The following IL1RN variants were observed in gnomAD, a reference collection of about 807,000 sequenced individuals.
IL1RN encodes the protein interleukin 1 receptor antagonist, also known as interleukin-1 receptor antagonist protein.
A neutral mutation model predicts 13.7 loss-of-function variants in IL1RN; 10 were observed. That is an observed-to-expected ratio of 0.73 (90% CI 0.45 to 1.24). The LOEUF (loss-of-function observed/expected upper bound fraction) is 1.24, where lower values mean the gene tolerates loss of function less well. IL1RN is among the 50% of genes most tolerant of loss of function. The probability of loss-of-function intolerance (pLI) is 0.00; values close to 1 mark genes in which losing one functional copy is unlikely to be tolerated. For missense variants in IL1RN, 213 were observed against 222.1 expected (o/e 0.96, Z 0.26); for synonymous variants, 102 against 82.7 (o/e 1.23, Z -1.27).
At chr2:113,112,687 G>A (rs1225434344) in intron 1 of IL1RN, among the ~76,000 whole-genome samples, 1 of 152,188 alleles carries the variant, frequency 6.6e-6, no homozygotes, top group East Asian at 1.9e-4. Flanking sequence ...TCCCAAGCCT[G>A]AATGGGGTGT....
chr2:113,103,825 A>G (rs912979448), upstream of IL1RN, among the ~76,000 whole-genome samples: 1 of 152,116 alleles, frequency 6.6e-6, no homozygotes, highest in Non-Finnish European at 1.5e-5. Context: ...TGTCATATGA[A>G]TATTATTGGG....
upstream of IL1RN, among the ~76,000 whole-genome samples, chr2:113,123,877 T>TAGAACTGAAAGATGCAATTAACCG (rs1362561177): frequency 6.6e-6 from 1 of 152,204 alleles, no homozygotes; most frequent in African/African-American, 2.4e-5. Context: ...ATGGAAATCC[T>TAGAACTGAAAGATGCAATTAACCG]AGAACTGAAA....
upstream of IL1RN, among the ~76,000 whole-genome samples, chr2:113,109,535 G>A (rs72950879): frequency 6.1e-3 from 929 of 152,184 alleles, 19 homozygotes; most frequent in African/African-American, 0.022. Flanking sequence ...TTTAAAATCT[G>A]GCAATGATAT....
At chr2:113,112,074 G>A (rs894677448) in intron 1 of IL1RN, among the ~76,000 whole-genome samples, 5 of 152,206 alleles carry the variant, frequency 3.3e-5, no homozygotes, top group Non-Finnish European at 5.9e-5. Flanking sequence ...TTGATCACCC[G>A]TTCCTGTTAC....
rs545795110 is a variant in IL1RN at position 113,133,883 on chromosome 2, G to A, written c.*1012G>A. 3.3e-5 allele frequency: 5 copies of A among 152,864 alleles called. No individual in the cohort carries two copies. The highest frequency in any genetic ancestry group is 1.2e-4 in the African/African-American group (5 of 41,574). 9.5% of individuals were successfully genotyped at this position (152,864 alleles called of 1,614,324 possible). On this transcript the variant is annotated 3_prime_UTR_variant, in exon 4 of 4. Transcript: ENST00000409930. Reference sequence around the variant, plus strand: ...GAAACATGACTCGTATATGTCTCAGGTCCCTGCAGGGCCAAGCACCTAGCC... The same window carrying A: ...GAAACATGACTCGTATATGTCTCAGATCCCTGCAGGGCCAAGCACCTAGCC...
At chr2:113,124,157 G>C (rs1455567347), upstream of IL1RN, among the ~76,000 whole-genome samples, 1 of 152,128 alleles carries the variant, frequency 6.6e-6, no homozygotes, top group African/African-American at 2.4e-5. Context: ...TGATGACCAG[G>C]ACCTCCGATG....
chr2:113,109,056 A>G (rs1036730002), upstream of IL1RN, among the ~76,000 whole-genome samples: 9 of 152,164 alleles, frequency 5.9e-5, no homozygotes, highest in African/African-American at 1.9e-4. Flanking sequence ...AGAAAACAAT[A>G]GCAACCACCA....
At chr2:113,131,275 G>A in intron 3 of IL1RN, 118 bp downstream of exon 3, 1 of 727,274 alleles carries the variant, frequency 1.4e-6, no homozygotes. Context: ...TGTTCCATGT[G>A]GTGGAACATG....
upstream of IL1RN, among the ~76,000 whole-genome samples, chr2:113,124,957 A>T (rs1050375550): frequency 3.9e-5 from 6 of 152,130 alleles, no homozygotes; most frequent in African/African-American, 1.2e-4. Flanking sequence ...CTGAATTCAG[A>T]CTGGGGTCAG....
upstream of IL1RN, among the ~76,000 whole-genome samples, chr2:113,123,113 G>A (rs139784170): frequency 4.6e-5 from 7 of 152,242 alleles, no homozygotes; most frequent in African/African-American, 1.7e-4. Context: ...CAACAAGAGC[G>A]AAACTCCATC....
In IL1RN at chr2:113,133,273, G is replaced by C; in HGVS notation, c.*402G>C. ...CCCAACCAAGTGGCTCCCACACCCT[G>C]TTTTACAAAAAAGAAAAGACCAGTC... On this transcript the variant is annotated 3_prime_UTR_variant, in exon 4 of 4. Transcript: ENST00000409930. 1 of 277,168 alleles carries C rather than the reference G, an allele frequency of 3.6e-6. No homozygotes were observed. Among genetic ancestry groups the C allele is most frequent in the Non-Finnish European group, 7.1e-6 (1 of 141,014 alleles). The allele number at this position is 277,168 out of a possible 1,614,324, so 17.2% of individuals were successfully genotyped here. A position where few individuals can be genotyped will look rare whatever the true frequency, so the allele number is the denominator to read the frequency against.
At chr2:113,106,525 T>C (rs1342733004), upstream of IL1RN, among the ~76,000 whole-genome samples, 1 of 152,246 alleles carries the variant, frequency 6.6e-6, no homozygotes, top group Non-Finnish European at 1.5e-5. Context: ...AATTATTGCT[T>C]GTGTTTACCT....
Position 113,132,877 on chromosome 2 carries a change from C to T in IL1RN, c.*6C>T, listed in dbSNP as rs1007762331. ...ACTTCCAGGAGGACGAGTAGTACTG[C>T]CCAGGCCTGCCTGTTCCCATTCTTG... On this transcript the variant is annotated 3_prime_UTR_variant, in exon 4 of 4. Coordinates refer to ENST00000409930, the MANE Select transcript of IL1RN (RefSeq NM_173842.3). 12 of 1,612,304 alleles carry T rather than the reference C, an allele frequency of 7.4e-6. No homozygotes were observed. In the African/African-American group the frequency reaches 1.1e-4, roughly 14 times the overall value.
chr2:113,117,856 G>T, upstream of IL1RN: 2 of 719,240 alleles, frequency 2.8e-6, no homozygotes, highest in Non-Finnish European at 2.6e-6. Flanking sequence ...GGGAGGCTGG[G>T]CTCCTCCTTG....
intron 1 of IL1RN, among the ~76,000 whole-genome samples, chr2:113,129,012 G>T (rs1312935986): frequency 2.0e-5 from 3 of 152,312 alleles, no homozygotes; most frequent in African/African-American, 7.2e-5. Context: ...AGACCCTTCT[G>T]GTCTCAGACT....
upstream of IL1RN, among the ~76,000 whole-genome samples, chr2:113,127,133 C>T (rs1016470681): frequency 6.6e-6 from 1 of 152,196 alleles, no homozygotes; most frequent in Non-Finnish European, 1.5e-5. Flanking sequence ...TCGTCCTTTA[C>T]AGAATGTTTG....
rs572782963 is a variant in IL1RN, at chr2:113,127,825, C to G, written c.116+85C>G. 25 of 1,399,764 alleles carry G rather than the reference C, an allele frequency of 1.8e-5. No homozygotes were observed. The South Asian group carries it at 2.9e-4, about 16-fold the overall frequency. 86.7% of individuals were successfully genotyped at this position (1,399,764 alleles called of 1,614,324 possible). A position where few individuals can be genotyped will look rare whatever the true frequency, so the allele number is the denominator to read the frequency against. On this transcript the variant is annotated intron_variant, in intron 1 of 3. Transcript: ENST00000409930. ...CACAGCTGCCAGGGGCTGCCAGGCC[C>G]CAGAGGGCCTGAGAACTGGGTTTGG...
At chr2:113,117,472 T>C (rs1272057187), upstream of IL1RN, 2 of 159,184 alleles carry the variant, frequency 1.3e-5, no homozygotes, top group East Asian at 1.8e-4. Context: ...ATTTTCCCTA[T>C]AGCAATATGC....
At chr2:113,100,243 A>G in the IL1RN span, among the ~76,000 whole-genome samples, 3 of 150,610 alleles carry the variant, frequency 2.0e-5, no homozygotes, top group Non-Finnish European at 3.0e-5. Flanking sequence ...GGAGAATGGC[A>G]TGAACCTGGG....
Sources: gnomAD v4.1 joint callset for allele counts (sites outside exome capture counted in the v4.1 genomes callset) on GRCh38, gnomAD v4.1.1 for gene constraint, MANE v1.5 for transcripts, NCBI Gene and HGNC (gene_info 2026-07-23, HGNC 2026-07-21) for gene names.